The following FHIT variants were observed in gnomAD, a reference collection of about 807,000 sequenced individuals.
FHIT encodes fragile histidine triad diadenosine triphosphatase.
A neutral mutation model predicts 17.9 loss-of-function variants in FHIT; 19 were observed. That is an observed-to-expected ratio of 1.06 (90% CI 0.74 to 1.56). FHIT has a LOEUF of 1.56. Ranked by LOEUF, FHIT falls within the 40% of genes most tolerant of loss-of-function variation. The pLI is 0.00. For synonymous variants in FHIT, 81 were observed against 69.7 expected (o/e 1.16, Z -0.81); for missense variants, 248 against 189.2 (o/e 1.31, Z -1.82).
At chr3:61,216,623 A>T (rs1193497580) in intron 1 of FHIT, among the ~76,000 whole-genome samples, 2 of 152,200 alleles carry the variant, frequency 1.3e-5, no homozygotes, top group African/African-American at 2.4e-5. Flanking sequence ...ATACCATTTG[A>T]CCCAGCCATG....
intron 8 of FHIT, among the ~76,000 whole-genome samples, chr3:59,912,331 T>C (rs294459): frequency 0.26 from 39,953 of 152,058 alleles, 5,608 homozygotes; most frequent in East Asian, 0.5. Flanking sequence ...ACACCGCATG[T>C]GGATGGAAAA....
intron 8 of FHIT, among the ~76,000 whole-genome samples, chr3:59,874,286 G>A (rs1307818701): frequency 1.3e-5 from 2 of 152,132 alleles, no homozygotes; most frequent in African/African-American, 4.8e-5. Context: ...AATGCAAAGG[G>A]CTCATGCTGT....
chr3:60,303,501 C>T (rs1487366612), intron 5 of FHIT, among the ~76,000 whole-genome samples: 1 of 152,182 alleles, frequency 6.6e-6, no homozygotes, highest in Non-Finnish European at 1.5e-5. Flanking sequence ...AGCCCTCTCC[C>T]GTTGCTGGAC....
intron 3 of FHIT, among the ~76,000 whole-genome samples, chr3:60,882,241 G>A (rs912312636): frequency 8.5e-5 from 13 of 152,072 alleles, no homozygotes; most frequent in African/African-American, 2.6e-4. Context: ...TTTTAAAAAT[G>A]TTCTATCAAA....
chr3:59,855,819 C>T (rs540660773), intron 8 of FHIT, among the ~76,000 whole-genome samples: 57 of 149,024 alleles, frequency 3.8e-4, no homozygotes, highest in African/African-American at 1.3e-3. Flanking sequence ...CTTGCCCTGT[C>T]GCTCAGTCTG....
At chr3:59,942,939 G>A (rs1190678392) in intron 7 of FHIT, among the ~76,000 whole-genome samples, 3 of 152,072 alleles carry the variant, frequency 2.0e-5, no homozygotes, top group Admixed American at 6.6e-5. Context: ...ATGACCCACT[G>A]TGCCTGGCTT....
intron 8 of FHIT, among the ~76,000 whole-genome samples, chr3:59,762,663 T>C (rs1575614934): frequency 6.6e-6 from 1 of 152,196 alleles, no homozygotes; most frequent in African/African-American, 2.4e-5. Context: ...TAAAACAGCA[T>C]AGAAAGCAAA....
intron 3 of FHIT, among the ~76,000 whole-genome samples, chr3:60,835,448 T>G (rs1486680769): frequency 6.6e-6 from 1 of 152,194 alleles, no homozygotes; most frequent in Non-Finnish European, 1.5e-5. Context: ...AATGTTTTAT[T>G]GGATTCACAT....
chr3:60,077,686 TCACACACA>T lies in FHIT; in HGVS notation c.104-63542_104-63535del, dbSNP rs35531886. On this transcript the variant is annotated intron_variant, in intron 5 of 9. Coordinates refer to ENST00000492590, the MANE Select transcript of FHIT (RefSeq NM_002012.4). ...ATTAAAAAAAATCTACGATTTTACT[TCACACACA>T]CACACACACACACACACACACACAC... is the stretch of plus-strand genomic sequence containing the variant. Among the ~76,000 whole-genome samples, 485 of 110,360 alleles carry T rather than the reference TCACACACA, an allele frequency of 4.4e-3. 13 individuals are homozygous for T. Among genetic ancestry groups the T allele is most frequent in the African/African-American group, 0.015 (439 of 29,012 alleles). 72.4% of individuals were successfully genotyped at this position (110,360 alleles called of 152,430 possible). A position where few individuals can be genotyped will look rare whatever the true frequency, so the allele number is the denominator to read the frequency against.
At chr3:59,863,267 A>T (rs927449376) in intron 8 of FHIT, among the ~76,000 whole-genome samples, 2 of 152,314 alleles carry the variant, frequency 1.3e-5, no homozygotes, top group East Asian at 3.9e-4. Flanking sequence ...TTTGTGACGC[A>T]CATCACCCCT....
chr3:60,493,014 A>C lies in FHIT; in HGVS notation c.103+43846T>G, dbSNP rs530080335. On this transcript the variant is annotated intron_variant, in intron 5 of 9. Transcript: ENST00000492590. ...AGGACACAGTACATGTATACCCACT[A>C]ATTATAAAACAGCGTAGAATTGATG... is the stretch of plus-strand genomic sequence containing the variant. 9.9e-4 allele frequency among the ~76,000 whole-genome samples: 151 copies of C among 152,288 alleles called. 1 individual carries two copies. The highest frequency in any genetic ancestry group is 2.7e-3 in the South Asian group (13 of 4,824).
At chr3:60,397,566 G>A (rs1701497233) in intron 5 of FHIT, among the ~76,000 whole-genome samples, 1 of 152,204 alleles carries the variant, frequency 6.6e-6, no homozygotes. Context: ...AGCAGTAGCT[G>A]AGTTCTTCAG....
intron 4 of FHIT, among the ~76,000 whole-genome samples, chr3:60,606,289 G>A (rs2038606566): frequency 6.7e-6 from 1 of 150,308 alleles, no homozygotes; most frequent in Admixed American, 6.6e-5. Flanking sequence ...CACCCAGGCT[G>A]GAGTGCAGTG....
At chr3:60,112,998 C>G (rs75130326) in intron 5 of FHIT, among the ~76,000 whole-genome samples, 11,276 of 152,236 alleles carry the variant, frequency 0.074, 594 homozygotes, top group Admixed American at 0.12. Context: ...GTGTCAACCA[C>G]AGTGTAGTCT....
chr3:60,990,380 T>C (rs1440905466), intron 3 of FHIT, among the ~76,000 whole-genome samples: 1 of 152,182 alleles, frequency 6.6e-6, no homozygotes, highest in African/African-American at 2.4e-5. Context: ...ACCCCACGCA[T>C]TGAGCAGAAC....
intron 2 of FHIT, among the ~76,000 whole-genome samples, chr3:61,107,789 T>C (rs1292445199): frequency 2.6e-5 from 4 of 152,138 alleles, no homozygotes; most frequent in African/African-American, 7.2e-5. Flanking sequence ...AGAAGATTTA[T>C]GGACAGAAAA....
At chr3:61,096,236 C>T (rs1160013628) in intron 2 of FHIT, among the ~76,000 whole-genome samples, 1 of 152,180 alleles carries the variant, frequency 6.6e-6, no homozygotes, top group East Asian at 1.9e-4. Flanking sequence ...TCACCATCTG[C>T]TTGTGATAAT....
Position 60,257,432 on chromosome 3 carries a change from G to A in FHIT, c.104-243280C>T, listed in dbSNP as rs548334167. 3.1e-3 allele frequency among the ~76,000 whole-genome samples: 476 copies of A among 152,246 alleles called. 1 individual carries two copies. The highest frequency in any genetic ancestry group is 0.02 in the Middle Eastern group (6 of 294). On this transcript the variant is annotated intron_variant, in intron 5 of 9. Coordinates refer to ENST00000492590, the MANE Select transcript of FHIT (RefSeq NM_002012.4). ...CTGCATGGACAATAAAAGAAACTCC[G>A]TGGGTGCCACACATTTCACTCTCCC...
At chr3:60,108,207 G>T (rs939009590) in intron 5 of FHIT, among the ~76,000 whole-genome samples, 3 of 152,140 alleles carry the variant, frequency 2.0e-5, no homozygotes, top group Admixed American at 6.6e-5. Flanking sequence ...CCATCATAAG[G>T]CATTATGTTT....
Sources: gnomAD v4.1 joint callset for allele counts (sites outside exome capture counted in the v4.1 genomes callset) on GRCh38, gnomAD v4.1.1 for gene constraint, MANE v1.5 for transcripts, NCBI Gene and HGNC (gene_info 2026-07-23, HGNC 2026-07-21) for gene names.